The following SRSF12 variants were observed in gnomAD, a reference collection of about 807,000 sequenced individuals.
The protein encoded by SRSF12 is serine and arginine rich splicing factor 12.
SRSF12 carries 21 observed loss-of-function variants against 34.1 expected under a neutral mutation model. That is an observed-to-expected ratio of 0.62 (90% CI 0.44 to 0.89). SRSF12 has a LOEUF of 0.89. SRSF12 is among the 40% of genes least tolerant of loss of function. The probability of loss-of-function intolerance (pLI) is 0.00; values close to 1 mark genes in which losing one functional copy is unlikely to be tolerated. For synonymous variants in SRSF12, 111 were observed against 110.8 expected, an observed-to-expected ratio of 1.00 and a Z score of -0.01; for missense variants, 278 against 327.8, an observed-to-expected ratio of 0.85 and a Z score of 1.17.
intron 4 of SRSF12, among the ~76,000 whole-genome samples, chr6:89,102,422 C>T (rs971466428): frequency 1.7e-4 from 26 of 152,278 alleles, no homozygotes; most frequent in Non-Finnish European, 1.8e-4. Flanking sequence ...TGAGCCACTG[C>T]ACCTGGCCTC....
intron 1 of SRSF12, among the ~76,000 whole-genome samples, chr6:89,116,880 T>G (rs1331683544): frequency 1.3e-5 from 2 of 152,176 alleles, no homozygotes; most frequent in African/African-American, 4.8e-5. Context: ...AAGAGCTCCA[T>G]GTATCTATAC....
At chr6:89,107,432 G>GA (rs1296289374) in intron 1 of SRSF12, among the ~76,000 whole-genome samples, 174 bp from the exon 2 acceptor site, 1 of 151,754 alleles carries the variant, frequency 6.6e-6, no homozygotes, top group Admixed American at 6.6e-5. Flanking sequence ...AAAAAGAAAG[G>GA]AAAAAAACAT....
In SRSF12 at chr6:89,097,300, T is replaced by C. The variant is rs1363107008; in HGVS notation, c.*1278A>G. 3 of 152,158 alleles carry C rather than the reference T, an allele frequency of 2.0e-5. No individual in the cohort carries two copies. Among genetic ancestry groups the C allele is most frequent in the Non-Finnish European group, 4.4e-5 (3 of 68,022 alleles). 9.4% of individuals were successfully genotyped at this position (152,158 alleles called of 1,614,324 possible). ...TAGAGCTCTATAAATATATCCCCTA[T>C]AATAATCATATGCAAAACCATTCTA... On this transcript the variant is annotated 3_prime_UTR_variant, in exon 5 of 5. Coordinates refer to ENST00000452027, the MANE Select transcript of SRSF12 (RefSeq NM_080743.5).
intron 2 of SRSF12, chr6:89,106,768 A>G (rs1239216254): frequency 5.8e-6 from 2 of 345,822 alleles, no homozygotes; most frequent in African/African-American, 4.3e-5. Flanking sequence ...CAACAAAATC[A>G]GACTTGGCTT....
At chr6:89,115,741 A>ATTATCC (rs1006243771) in intron 1 of SRSF12, among the ~76,000 whole-genome samples, 1 of 147,676 alleles carries the variant, frequency 6.8e-6, no homozygotes, top group African/African-American at 2.5e-5. Context: ...GGTTCACACC[A>ATTATCC]TTATCCTGCC....
chr6:89,116,527 C>G (rs7747136), intron 1 of SRSF12, among the ~76,000 whole-genome samples: 1 of 152,030 alleles, frequency 6.6e-6, no homozygotes, highest in Non-Finnish European at 1.5e-5. Flanking sequence ...GTAATCTCAG[C>G]GCTTTGGGAG....
At chr6:89,117,672 G>A (rs1769373541) in intron 1 of SRSF12, 151 bp downstream of exon 1, 4 of 701,784 alleles carry the variant, frequency 5.7e-6, no homozygotes, top group Admixed American at 8.9e-5. Context: ...GTAGTCCGAG[G>A]GCTCACACCT....
Position 89,103,991 on chromosome 6 carries a change from C to CTTTTTTTTTTTTTT in SRSF12, c.416+1114_416+1127dup, listed in dbSNP as rs55760020. Among the ~76,000 whole-genome samples, 10 of 81,964 alleles carry CTTTTTTTTTTTTTT rather than the reference C, an allele frequency of 1.2e-4. 1 individual carries two copies. Among genetic ancestry groups the CTTTTTTTTTTTTTT allele is most frequent in the African/African-American group, 4.2e-4 (9 of 21,404 alleles). 53.8% of individuals were successfully genotyped at this position (81,964 alleles called of 152,430 possible). A position where few individuals can be genotyped will look rare whatever the true frequency, so the allele number is the denominator to read the frequency against. ...TTTCACAAGGGATTTTATTATATTT[C>CTTTTTTTTTTTTTT]TTTTTTTTTTTTTTTTTTTTTTTTT... is the stretch of plus-strand genomic sequence containing the variant. On this transcript the variant is annotated intron_variant, in intron 4 of 4. Transcript: ENST00000452027.
chr6:89,106,273 C>T (rs868823983), intron 2 of SRSF12, among the ~76,000 whole-genome samples: 4 of 89,352 alleles, frequency 4.5e-5, no homozygotes, highest in Non-Finnish European at 1.1e-4. Flanking sequence ...GCACCACACC[C>T]GGCTAATTTT....
In SRSF12 at chr6:89,098,955, C is replaced by T; in HGVS notation, c.417-8G>A. On this transcript the variant is annotated splice_polypyrimidine_tract_variant and splice_region_variant and intron_variant, in intron 4 of 4. Transcript: ENST00000452027. ...AATCGCCTGTGTCGAGACCTGCAAA[C>T]ATCCATAATGTTAGAGCATATATTT... The T allele has an allele frequency of 1.2e-6, 2 of 1,608,226 alleles. No individual in the cohort carries two copies. The highest frequency in any genetic ancestry group is 1.3e-5 in the African/African-American group (1 of 74,746).
At chr6:89,100,673 CAA>C (rs1409998409) in intron 4 of SRSF12, among the ~76,000 whole-genome samples, 1 of 151,784 alleles carries the variant, frequency 6.6e-6, no homozygotes, top group African/African-American at 2.4e-5. Flanking sequence ...GAGGAAAAGA[CAA>C]AACAGATAAA....
At chr6:89,112,447 C>CTT (rs760181452) in intron 1 of SRSF12, among the ~76,000 whole-genome samples, 10 of 128,874 alleles carry the variant, frequency 7.8e-5, no homozygotes, top group East Asian at 2.2e-4. Context: ...TCTTTTCTTT[C>CTT]TTTTTTTTTT....
intron 4 of SRSF12, among the ~76,000 whole-genome samples, chr6:89,103,294 A>G (rs1430699443): frequency 6.6e-6 from 1 of 152,150 alleles, no homozygotes; most frequent in Non-Finnish European, 1.5e-5. Context: ...CTGGTTCACT[A>G]AGGCTGTAAT....
chr6:89,107,383 T>C (rs1275777466), intron 1 of SRSF12, 125 bp from the exon 2 acceptor site: 1 of 697,012 alleles, frequency 1.4e-6, no homozygotes, highest in African/African-American at 1.8e-5. Context: ...TCTAAAATTG[T>C]TTTTTGTAAG....
chr6:89,116,398 G>A (rs533484322), intron 1 of SRSF12, among the ~76,000 whole-genome samples: 1 of 152,328 alleles, frequency 6.6e-6, no homozygotes, highest in Non-Finnish European at 1.5e-5. Context: ...CAGAAGAAAT[G>A]TAAACAAGGC....
In SRSF12 at chr6:89,109,949, G is replaced by A. The variant is rs552916205; in HGVS notation, c.66-2691C>T. Among the ~76,000 whole-genome samples, 5 of 152,204 alleles carry A rather than the reference G, an allele frequency of 3.3e-5. No individual in the cohort carries two copies. In the South Asian group the frequency reaches 1.0e-3, roughly 32 times the overall value. ...TACTAAAAATACAAAAAATTAACTG[G>A]GCGTGGTGGCGGGCGCCTGTAGTCC... On this transcript the variant is annotated intron_variant, in intron 1 of 4. Transcript: ENST00000452027.
At chr6:89,111,514 C>T (rs1352606538) in intron 1 of SRSF12, among the ~76,000 whole-genome samples, 1 of 152,158 alleles carries the variant, frequency 6.6e-6, no homozygotes, top group East Asian at 1.9e-4. Context: ...ATCCTCATAA[C>T]TTACTAAACT....
intron 1 of SRSF12, among the ~76,000 whole-genome samples, chr6:89,114,289 A>G (rs1056955483): frequency 2.6e-5 from 4 of 152,130 alleles, no homozygotes; most frequent in Non-Finnish European, 5.9e-5. Flanking sequence ...TTAGCCAGGC[A>G]TGGTGGCACA....
At chr6:89,107,109 C>T (rs373305214) in intron 2 of SRSF12, 45 bp downstream of exon 2, 98 of 1,395,644 alleles carry the variant, frequency 7.0e-5, no homozygotes, top group South Asian at 1.3e-4. Flanking sequence ...TGTATAAGCA[C>T]GCATATACAG....
Sources: allele counts gnomAD v4.1 joint callset (sites outside exome capture counted in the v4.1 genomes callset), GRCh38; gene constraint gnomAD v4.1.1; transcripts MANE v1.5; gene names NCBI Gene and HGNC (gene_info 2026-07-23, HGNC 2026-07-21).